URB1: variants seen among roughly 807,000 people sequenced by gnomAD.
URB1 encodes the protein nucleolar pre-ribosomal-associated protein 1.
In URB1, 197 loss-of-function variants were observed where a neutral mutation model predicts 242.3. The ratio of observed to expected loss-of-function variants is 0.81; its 90% CI spans 0.72 to 0.91. The LOEUF (loss-of-function observed/expected upper bound fraction) is 0.91. URB1 is among the 40% of genes least tolerant of loss of function. The probability of loss-of-function intolerance (pLI) is 0.00; values close to 1 mark genes in which losing one functional copy is unlikely to be tolerated. For missense variants in URB1, 2,721 were observed against 2,860.5 expected (o/e 0.95, Z 1.11); for synonymous variants, 1,153 against 1,201.8 (o/e 0.96, Z 0.84).
At chr21:32,375,352 C>T in intron 6 of URB1, 46 bp downstream of exon 6, 1 of 1,257,976 alleles carries the variant, frequency 7.9e-7, no homozygotes, top group Admixed American at 2.7e-5. Context: ...TATCTCCATT[C>T]CCAAGGGAAA....
intron 4 of URB1, 87 bp downstream of exon 4, chr21:32,383,335 T>A: frequency 7.0e-7 from 1 of 1,425,266 alleles, no homozygotes; most frequent in Non-Finnish European, 9.4e-7. Context: ...TGTGTGGGGA[T>A]CAGGGGCAGA....
rs1351164361 is a variant in URB1, at chr21:32,316,813, G to A, written c.6287C>T (p.Ala2096Val). The A allele has an allele frequency of 1.3e-6, 2 of 1,547,040 alleles. No homozygotes were observed. The highest frequency in any genetic ancestry group is 1.7e-6 in the Non-Finnish European group (2 of 1,143,912). ...CACCCAACTGACTGCCAGGGAAGCG[G>A]CAGCATATACGGGGCCTGGCGCATC... ...ESDAPGPVYAAASLAVSWVLR... is the reference protein window; with the variant it reads ...ESDAPGPVYAVASLAVSWVLR... The change falls in exon 38 of 39, where the codon GCC becomes GTC. Residue 2096 changes from alanine to valine, a missense_variant. Coordinates refer to ENST00000382751, the MANE Select transcript of URB1 (RefSeq NM_014825.3).
At chr21:32,387,755 G>A (rs2033599165) in intron 1 of URB1, among the ~76,000 whole-genome samples, 1 of 152,132 alleles carries the variant, frequency 6.6e-6, no homozygotes, top group Admixed American at 6.5e-5. Context: ...TCTGCTTTAG[G>A]GAGTGTCTGG....
rs1307505864 is a variant in URB1, at chr21:32,316,669, G to C, written c.6431C>G (p.Ala2144Gly). 6.4e-7 allele frequency: 1 copy of C among 1,551,456 alleles called. No individual in the cohort carries two copies. The highest frequency in any genetic ancestry group is 2.4e-5 in the East Asian group (1 of 40,910). Reference protein sequence around the residue: ...VVVADLLKDSAVRSSIFRLYS... With the variant: ...VVVADLLKDSGVRSSIFRLYS... The stretch of plus-strand genomic sequence containing the variant: ...CAGCCTGAATATGCTGCTCCTCACG[G>C]CACTGTCCTTAAGGAGGTCAGCCAC... Residue 2144 changes from alanine to glycine, a missense_variant, in exon 38 of 39, where the codon GCC becomes GGC. Coordinates refer to ENST00000382751, the MANE Select transcript of URB1 (RefSeq NM_014825.3).
chr21:32,333,462 C>T, intron 29 of URB1, 43 bp from the exon 30 acceptor site: 1 of 1,453,280 alleles, frequency 6.9e-7, no homozygotes, highest in Non-Finnish European at 9.4e-7. Flanking sequence ...TTCAACCTCA[C>T]AAAGGTAATA....
chr21:32,356,436 C>T (rs2833783), intron 15 of URB1, among the ~76,000 whole-genome samples: 23,366 of 152,074 alleles, frequency 0.15, 2,431 homozygotes, highest in African/African-American at 0.3. Context: ...CAAGGCTACT[C>T]ATCGTTTATC....
At chr21:32,376,086 C>T (rs193239589) in intron 5 of URB1, among the ~76,000 whole-genome samples, 2 of 152,290 alleles carry the variant, frequency 1.3e-5, no homozygotes, top group African/African-American at 4.8e-5. Flanking sequence ...TTTCTTTTCT[C>T]ATATTAAAAT....
intron 8 of URB1, among the ~76,000 whole-genome samples, chr21:32,370,220 G>T (rs547311699): frequency 1.3e-5 from 2 of 152,134 alleles, no homozygotes; most frequent in South Asian, 4.2e-4. Context: ...AGGGTCCCCG[G>T]TGTCTCACAT....
chr21:32,339,918 G>A (rs377541125), intron 25 of URB1, among the ~76,000 whole-genome samples: 89 of 152,226 alleles, frequency 5.8e-4, no homozygotes, highest in African/African-American at 2.0e-3. Flanking sequence ...CACCTTGCCC[G>A]GCCTCCCTCC....
At chr21:32,362,074 C>G in intron 11 of URB1, 53 bp from the exon 12 acceptor site, 1 of 1,539,954 alleles carries the variant, frequency 6.5e-7, no homozygotes. Flanking sequence ...CAAAGGGAGA[C>G]AAATGAACTG....
intron 12 of URB1, 33 bp from the exon 13 acceptor site, chr21:32,361,156 G>GA (rs145739787): frequency 5.2e-6 from 2 of 381,642 alleles, no homozygotes; most frequent in Non-Finnish European, 8.1e-6. Context: ...AAGAAAAAGA[G>GA]AAAAAAGAAA....
chr21:32,349,915 C>T (rs71323322), intron 20 of URB1, among the ~76,000 whole-genome samples: 6,340 of 149,898 alleles, frequency 0.042, 195 homozygotes, highest in Non-Finnish European at 0.064. Context: ...GCCAACATGG[C>T]GAAACCCCAT....
chr21:32,377,152 G>C (rs1229164981), intron 5 of URB1: 1 of 516,002 alleles, frequency 1.9e-6, no homozygotes, highest in Non-Finnish European at 3.9e-6. Context: ...GCAGGATCAA[G>C]TATCTTAAAA....
At chr21:32,364,250 G>A (rs897141305) in intron 10 of URB1, among the ~76,000 whole-genome samples, 2 of 152,078 alleles carry the variant, frequency 1.3e-5, no homozygotes, top group African/African-American at 4.8e-5. Context: ...CCCTGCCCCT[G>A]CTAGTCACAG....
At chr21:32,354,195 C>A in intron 17 of URB1, 92 bp from the exon 18 acceptor site, 1 of 1,454,676 alleles carries the variant, frequency 6.9e-7, no homozygotes, top group Non-Finnish European at 9.2e-7. Context: ...AGAATACGTG[C>A]AAAAAGAAAA....
At chr21:32,321,616 A>G (rs868868750) in intron 34 of URB1, among the ~76,000 whole-genome samples, 185 bp downstream of exon 34, 3 of 152,158 alleles carry the variant, frequency 2.0e-5, no homozygotes, top group Non-Finnish European at 4.4e-5. Context: ...AAGTGAATCC[A>G]CCTGCTCTGC....
intron 1 of URB1, among the ~76,000 whole-genome samples, chr21:32,390,439 G>C (rs2146060349): frequency 6.6e-6 from 1 of 150,650 alleles, no homozygotes; most frequent in African/African-American, 2.4e-5. Flanking sequence ...AGAAGTGTCT[G>C]TTCATATCCT....
rs570785967 is a variant in URB1, at chr21:32,385,309, T to C, written c.282+236A>G. ...ACCAAGTATATTTTGATTAGGAATC[T>C]ATGATCCTTCCTTCTGATGTCATTC... On this transcript the variant is annotated intron_variant, in intron 2 of 38. Transcript: ENST00000382751. Among the ~76,000 whole-genome samples the C allele has an allele frequency of 3.9e-5, 6 of 152,376 alleles. No individual in the cohort carries two copies. The East Asian group carries it at 1.2e-3, about 29-fold the overall frequency.
chr21:32,314,205 G>T lies in URB1; in HGVS notation c.*713C>A. 1 of 190,204 alleles carries T rather than the reference G, an allele frequency of 5.3e-6. No homozygotes were observed. 11.8% of individuals were successfully genotyped at this position (190,204 alleles called of 1,614,324 possible). ...AAACTTTATTTTTTTATTTTTTTGA[G>T]ATGGAGTCTTGCTCTGTCACCTAGG... On this transcript the variant is annotated 3_prime_UTR_variant, in exon 39 of 39. Transcript: ENST00000382751.
Sources: gnomAD v4.1 joint callset for allele counts (sites outside exome capture counted in the v4.1 genomes callset) on GRCh38, gnomAD v4.1.1 for gene constraint, MANE v1.5 for transcripts, NCBI Gene and HGNC (gene_info 2026-07-23, HGNC 2026-07-21) for gene names.